SGK1: variants seen among roughly 807,000 people sequenced by gnomAD.
SGK1 encodes serine/threonine-protein kinase Sgk1.
A neutral mutation model predicts 64.2 loss-of-function variants in SGK1; 26 were observed. That is an observed-to-expected ratio of 0.40 (90% confidence interval 0.30 to 0.56). The LOEUF is 0.56. Ranked by LOEUF, SGK1 falls within the 20% of genes least tolerant of loss-of-function variation. The probability of loss-of-function intolerance (pLI) is 0.38; values close to 1 mark genes in which losing one functional copy is unlikely to be tolerated. For synonymous variants in SGK1, 265 were observed against 239.7 expected (o/e 1.11, Z -0.98); for missense variants, 519 against 645.6 (o/e 0.80, Z 2.12).
intron 2 of SGK1, among the ~76,000 whole-genome samples, chr6:134,243,172 T>A (rs999085229): frequency 6.6e-6 from 1 of 152,092 alleles, no homozygotes; most frequent in African/African-American, 2.4e-5. Context: ...GAATCAATGA[T>A]AATGAATTAA....
intron 2 of SGK1, among the ~76,000 whole-genome samples, chr6:134,248,608 C>A (rs1219858313): frequency 6.6e-6 from 1 of 151,856 alleles, no homozygotes; most frequent in Non-Finnish European, 1.5e-5. Flanking sequence ...TGTGCCACGA[C>A]GCCCAGATAG....
intron 2 of SGK1, among the ~76,000 whole-genome samples, chr6:134,223,972 A>G (rs1776130690): frequency 6.6e-6 from 1 of 152,208 alleles, no homozygotes; most frequent in Non-Finnish European, 1.5e-5. Flanking sequence ...AAGAGTCCAG[A>G]ATGTTGAGTT....
At chr6:134,228,182 T>C (rs2114709859) in intron 2 of SGK1, among the ~76,000 whole-genome samples, 1 of 152,270 alleles carries the variant, frequency 6.6e-6, no homozygotes, top group East Asian at 1.9e-4. Context: ...CTCGAACTCC[T>C]GACCTCAGGT....
At chr6:134,258,679 C>T (rs956588363) in intron 2 of SGK1, among the ~76,000 whole-genome samples, 1 of 152,088 alleles carries the variant, frequency 6.6e-6, no homozygotes, top group Non-Finnish European at 1.5e-5. Flanking sequence ...CGCTTTCCAG[C>T]CTGGGTGACA....
chr6:134,309,116 G>T (rs774507609), intron 1 of SGK1, among the ~76,000 whole-genome samples: 5 of 152,150 alleles, frequency 3.3e-5, no homozygotes, highest in Non-Finnish European at 7.3e-5. Context: ...GCTCTAGAAA[G>T]CAATTAGAGT....
intron 2 of SGK1, among the ~76,000 whole-genome samples, chr6:134,255,411 A>G (rs1265843861): frequency 6.6e-6 from 1 of 151,592 alleles, no homozygotes; most frequent in Non-Finnish European, 1.5e-5. Flanking sequence ...AGCTGGGCTC[A>G]GTGGTTCATG....
intron 3 of SGK1, among the ~76,000 whole-genome samples, chr6:134,177,270 C>G (rs1295672447): frequency 1.3e-5 from 2 of 152,142 alleles, no homozygotes; most frequent in African/African-American, 2.4e-5. Context: ...ACACTAGTAC[C>G]TGAAATTGAC....
intron 3 of SGK1, among the ~76,000 whole-genome samples, chr6:134,191,641 C>T (rs1254436537): frequency 6.6e-6 from 1 of 151,892 alleles, no homozygotes; most frequent in Non-Finnish European, 1.5e-5. Flanking sequence ...AGACACTATG[C>T]ATAGTGTTTG....
intron 3 of SGK1, among the ~76,000 whole-genome samples, chr6:134,179,043 CCTG>C (rs1261762561): frequency 6.6e-6 from 1 of 151,946 alleles, no homozygotes; most frequent in Non-Finnish European, 1.5e-5. Flanking sequence ...AATGCTAAAA[CCTG>C]AGAGCTTCAC....
At chr6:134,279,414 G>C (rs1304639760) in intron 1 of SGK1, among the ~76,000 whole-genome samples, 1 of 135,532 alleles carries the variant, frequency 7.4e-6, no homozygotes, top group African/African-American at 2.7e-5. Context: ...GTGGGCAATA[G>C]AGTGAGATCC....
chr6:134,316,187 A>G (rs1054140896), intron 1 of SGK1, among the ~76,000 whole-genome samples: 1 of 152,174 alleles, frequency 6.6e-6, no homozygotes, highest in Admixed American at 6.5e-5. Context: ...CTGGCCCTCT[A>G]GCTGGGCCTG....
intron 1 of SGK1, among the ~76,000 whole-genome samples, chr6:134,276,118 A>G (rs1777013660): frequency 6.6e-6 from 1 of 152,178 alleles, no homozygotes; most frequent in Admixed American, 6.5e-5. Context: ...TGAAGCTCAC[A>G]AGGAAAGAGA....
At chr6:134,279,037 G>T (rs1582759821) in intron 1 of SGK1, among the ~76,000 whole-genome samples, 3 of 152,186 alleles carry the variant, frequency 2.0e-5, no homozygotes, top group African/African-American at 7.2e-5. Context: ...AAGGTAGTGA[G>T]ACTTCCTTTC....
chr6:134,206,579 T>C (rs1169108268), intron 3 of SGK1, among the ~76,000 whole-genome samples: 2 of 151,040 alleles, frequency 1.3e-5, no homozygotes, highest in Non-Finnish European at 2.9e-5. Context: ...GTAAAATTGA[T>C]TGCAAGGCTA....
chr6:134,197,643 T>C (rs925352330), intron 3 of SGK1, among the ~76,000 whole-genome samples: 10 of 152,066 alleles, frequency 6.6e-5, no homozygotes, highest in African/African-American at 2.2e-4. Flanking sequence ...CTGGCCAACA[T>C]GGTGAAACTT....
intron 2 of SGK1, chr6:134,256,912 C>A (rs150719958): frequency 1.3e-3 from 197 of 152,308 alleles, no homozygotes; most frequent in African/African-American, 4.3e-3. Flanking sequence ...ATTGGCAAGG[C>A]CTGGTACAAA....
chr6:134,277,699 A>T (rs1018654636), intron 1 of SGK1, among the ~76,000 whole-genome samples: 2 of 152,188 alleles, frequency 1.3e-5, no homozygotes, highest in African/African-American at 4.8e-5. Context: ...CCACATCTAA[A>T]ATAACACCAT....
intron 3 of SGK1, chr6:134,175,044 C>A (rs1472046211): frequency 1.4e-6 from 1 of 705,758 alleles, no homozygotes; most frequent in African/African-American, 1.9e-5. Flanking sequence ...GAGGGCGAGC[C>A]CCGGGCGGGG....
intron 1 of SGK1, chr6:134,297,165 G>C (rs1375334918): frequency 4.6e-6 from 3 of 655,450 alleles, no homozygotes; most frequent in African/African-American, 3.6e-5. Flanking sequence ...CAGACCACCT[G>C]CATAGCCGCT....
Sources: allele counts gnomAD v4.1 joint callset (sites outside exome capture counted in the v4.1 genomes callset), GRCh38; gene constraint gnomAD v4.1.1; transcripts MANE v1.5; gene names NCBI Gene and HGNC (gene_info 2026-07-23, HGNC 2026-07-21).